Variants in CRIM1 observed in about 807,000 individuals in gnomAD.
CRIM1 encodes the protein cysteine-rich motor neuron 1 protein.
Under a neutral mutation model 116.4 loss-of-function variants are expected in CRIM1, and 32 were observed. That is an observed-to-expected ratio of 0.27 (90% CI 0.21 to 0.37). The LOEUF (loss-of-function observed/expected upper bound fraction) is 0.37. CRIM1 is among the 10% of genes least tolerant of loss of function. The probability of loss-of-function intolerance (pLI) is 1.00; values close to 1 mark genes in which losing one functional copy is unlikely to be tolerated. For missense variants in CRIM1, 1,331 were observed against 1,354.8 expected (o/e 0.98, Z 0.28); for synonymous variants, 590 against 509.2 (o/e 1.16, Z -2.13).
At chr2:36,358,999 C>G (rs1251961438) in intron 1 of CRIM1, among the ~76,000 whole-genome samples, 1 of 152,116 alleles carries the variant, frequency 6.6e-6, no homozygotes, top group Non-Finnish European at 1.5e-5. Context: ...ATTAGAGGAG[C>G]CTTCAGATGT....
chr2:36,537,234 T>A (rs754296585), intron 13 of CRIM1, 118 bp from the exon 14 acceptor site: 1 of 944,528 alleles, frequency 1.1e-6, no homozygotes, highest in Admixed American at 2.4e-5. Context: ...TTCACCAAGT[T>A]CCAGAAGTCC....
intron 5 of CRIM1, among the ~76,000 whole-genome samples, chr2:36,471,237 T>C (rs944225574): frequency 6.6e-6 from 1 of 152,190 alleles, no homozygotes; most frequent in Non-Finnish European, 1.5e-5. Context: ...TTTAGACTAT[T>C]ACATAAATTT....
At chr2:36,410,465 A>G (rs1261582388) in intron 2 of CRIM1, among the ~76,000 whole-genome samples, 2 of 152,176 alleles carry the variant, frequency 1.3e-5, no homozygotes, top group Non-Finnish European at 2.9e-5. Context: ...AGCTGTTTAT[A>G]TAAGTAAAAT....
chr2:36,497,897 A>C (rs1001649223), intron 7 of CRIM1, among the ~76,000 whole-genome samples: 1 of 152,212 alleles, frequency 6.6e-6, no homozygotes, highest in Non-Finnish European at 1.5e-5. Flanking sequence ...ACAGGAGATG[A>C]AACTTGAGAA....
At chr2:36,465,116 C>T (rs1365809684) in intron 5 of CRIM1, among the ~76,000 whole-genome samples, 1 of 152,202 alleles carries the variant, frequency 6.6e-6, no homozygotes, top group African/African-American at 2.4e-5. Flanking sequence ...TGCACCTGAT[C>T]TTAGCCAAAA....
chr2:36,434,668 C>T (rs924241981), intron 2 of CRIM1, among the ~76,000 whole-genome samples: 1 of 152,246 alleles, frequency 6.6e-6, no homozygotes, highest in Non-Finnish European at 1.5e-5. Flanking sequence ...CCAGCATGAC[C>T]ATGAGAATTT....
chr2:36,399,341 A>C (rs13419520), intron 2 of CRIM1, among the ~76,000 whole-genome samples: 6 of 152,132 alleles, frequency 3.9e-5, no homozygotes, highest in African/African-American at 1.4e-4. Context: ...AATGGCAGTC[A>C]AGAGGCTCGT....
chr2:36,462,063 A>T (rs948046929), intron 4 of CRIM1, among the ~76,000 whole-genome samples: 1 of 152,234 alleles, frequency 6.6e-6, no homozygotes, highest in African/African-American at 2.4e-5. Flanking sequence ...CACACCAGCT[A>T]GCAAAACCAG....
chr2:36,447,105 C>G (rs1676303360), intron 4 of CRIM1, among the ~76,000 whole-genome samples: 1 of 152,166 alleles, frequency 6.6e-6, no homozygotes, highest in South Asian at 2.1e-4. Context: ...TCATATCTTA[C>G]CATCACTTTA....
intron 4 of CRIM1, among the ~76,000 whole-genome samples, chr2:36,454,253 T>C (rs904504461): frequency 6.6e-6 from 1 of 152,138 alleles, no homozygotes; most frequent in African/African-American, 2.4e-5. Flanking sequence ...GTATTCTTTC[T>C]TGCCTTTGTA....
At chr2:36,532,109 A>T (rs67420681) in intron 13 of CRIM1, 12,588 of 403,114 alleles carry the variant, frequency 0.031, 333 homozygotes, top group African/African-American at 0.075. Flanking sequence ...AAGCCGATCT[A>T]AACCAAGGTG....
At chr2:36,433,013 T>A (rs553268832) in intron 2 of CRIM1, among the ~76,000 whole-genome samples, 1 of 152,276 alleles carries the variant, frequency 6.6e-6, no homozygotes, top group South Asian at 2.1e-4. Flanking sequence ...CGAGCCCCAC[T>A]CCCAGCATTT....
chr2:36,356,364 G>T lies in CRIM1; in HGVS notation c.72G>T (p.Leu24=). ...TCCTGGTCTCGCTGCTGGGGCTGCTGCTGCTGCTGGCGCGCTCCGGCACCC... is the reference window on the plus strand; with the variant it reads ...TCCTGGTCTCGCTGCTGGGGCTGCTTCTGCTGCTGGCGCGCTCCGGCACCC... ...GHLLVSLLGL[L]LLLARSGTRA... is the part of the protein sequence containing the mutation. The change falls in exon 1 of 17, where the codon CTG becomes CTT. Residue 24 remains leucine (L), a synonymous_variant. Transcript: ENST00000280527. The surrounding 1 kb of genome is among the most constrained non-coding windows in gnomAD (Gnocchi z 4.3). The T allele has an allele frequency of 6.3e-7, 1 of 1,594,222 alleles. No individual in the cohort carries two copies. The highest frequency in any genetic ancestry group is 8.5e-7 in the Non-Finnish European group (1 of 1,172,878).
chr2:36,388,854 T>C lies in CRIM1; in HGVS notation c.332-7760T>C, dbSNP rs910584424. Among the ~76,000 whole-genome samples the C allele has an allele frequency of 7.9e-5, 12 of 152,364 alleles. No individual in the cohort carries two copies. The East Asian group carries it at 1.7e-3, about 22-fold the overall frequency. On this transcript the variant is annotated intron_variant, in intron 1 of 16. Transcript: ENST00000280527. ...ATGAAAAGTACAGCAATGGGACATATACTTAATAACAAATATTTTGCTGTA... is the reference window on the plus strand; with the variant it reads ...ATGAAAAGTACAGCAATGGGACATACACTTAATAACAAATATTTTGCTGTA...
intron 15 of CRIM1, among the ~76,000 whole-genome samples, chr2:36,545,525 T>C (rs1667263403): frequency 6.6e-6 from 1 of 152,150 alleles, no homozygotes; most frequent in African/African-American, 2.4e-5. Flanking sequence ...TTCTCATGCA[T>C]CAATAGCAAG....
At position 36,356,519 on chromosome 2, in the gene CRIM1, G is replaced by A. The variant is rs751411058; in HGVS notation, c.227G>A (p.Gly76Asp). The change falls in exon 1 of 17, where the codon GGC becomes GAC. Residue 76 changes from glycine to aspartate, a missense_variant. Physicochemically the swap from Gly to Asp is moderately conservative, Grantham distance 94 (BLOSUM62 -1). Around this residue, in one of 3 missense-constraint regions of CRIM1, gnomAD observed 690 missense variants for 676.0 expected, o/e 1.02. Coordinates refer to ENST00000280527, the MANE Select transcript of CRIM1 (RefSeq NM_016441.3). The surrounding 1 kb of genome is among the most constrained non-coding windows in gnomAD (Gnocchi z 4.3). ...AGCCAGAGGAACGAGAGCTGCGGCG[G>A]CACCTTCGGGATTTACGGAACCTGC... is the stretch of plus-strand genomic sequence containing the variant. ...CASQRNESCG[G>D]TFGIYGTCDR... is the part of the protein sequence containing the mutation. 3 of 1,612,766 alleles carry A rather than the reference G, an allele frequency of 1.9e-6. No individual in the cohort carries two copies. Among genetic ancestry groups the A allele is most frequent in the Non-Finnish European group, 2.5e-6 (3 of 1,179,878 alleles).
intron 12 of CRIM1, among the ~76,000 whole-genome samples, chr2:36,519,477 A>C (rs1051167604): frequency 3.9e-5 from 6 of 152,218 alleles, no homozygotes; most frequent in Admixed American, 3.3e-4. Context: ...ATTGAGATAC[A>C]AAAAAATAAA....
rs1013673941 is a variant in CRIM1 at position 36,550,759 on chromosome 2, A to G, written c.*2058A>G. On this transcript the variant is annotated 3_prime_UTR_variant, in exon 17 of 17. Transcript: ENST00000280527. ...ATAGATTGACATCAGCCTGATTAGT[A>G]TAAATTTTGTTGGTAATTAATCCAT... 1 of 152,576 alleles carries G rather than the reference A, an allele frequency of 6.6e-6. No homozygotes were observed. The highest frequency in any genetic ancestry group is 2.4e-5 in the African/African-American group (1 of 41,458). 9.5% of individuals were successfully genotyped at this position (152,576 alleles called of 1,614,324 possible).
intron 2 of CRIM1, among the ~76,000 whole-genome samples, chr2:36,419,806 G>A (rs999746006): frequency 1.3e-5 from 2 of 152,168 alleles, no homozygotes; most frequent in East Asian, 3.8e-4. Context: ...GGCGATCTGC[G>A]CAGCACATCT....
Sources: gnomAD v4.1 joint callset for allele counts (sites outside exome capture counted in the v4.1 genomes callset) on GRCh38, gnomAD v4.1.1 for gene constraint, gnomAD v4.1.1 regional missense constraint, Gnocchi (gnomAD v3.1) non-coding constraint, MANE v1.5 for transcripts, NCBI Gene and HGNC (gene_info 2026-07-23, HGNC 2026-07-21) for gene names.